Variants in HIVEP3 observed in about 807,000 individuals in gnomAD.
The protein encoded by HIVEP3 is HIVEP zinc finger 3.
A neutral mutation model predicts 152.8 loss-of-function variants in HIVEP3; 49 were observed. That is an observed-to-expected ratio of 0.32 (90% CI 0.26 to 0.41). The LOEUF (loss-of-function observed/expected upper bound fraction) is 0.41. Among genes scored for constraint, HIVEP3 ranks in the 10% least tolerant of loss-of-function variants. HIVEP3 has a pLI of 1.00. For synonymous variants in HIVEP3, 1,269 were observed against 1,289.0 expected (o/e 0.98, Z 0.33); for missense variants, 2,790 against 3,103.3 (o/e 0.90, Z 2.40).
At chr1:41,868,477 C>A (rs949666326) in intron 1 of HIVEP3, among the ~76,000 whole-genome samples, 1 of 152,108 alleles carries the variant, frequency 6.6e-6, no homozygotes, top group Non-Finnish European at 1.5e-5. Context: ...GCCAGATGAA[C>A]CGATAAGACA....
At chr1:41,714,147 G>A (rs773996961) in intron 1 of HIVEP3, among the ~76,000 whole-genome samples, 20 of 152,222 alleles carry the variant, frequency 1.3e-4, no homozygotes, top group African/African-American at 4.3e-4. Flanking sequence ...AGGGTGATCC[G>A]AGGGGAGGCT....
intron 1 of HIVEP3, among the ~76,000 whole-genome samples, chr1:41,806,816 C>G (rs937432891): frequency 1.3e-5 from 2 of 152,136 alleles, no homozygotes; most frequent in South Asian, 4.1e-4. Context: ...GTAGGGGGCT[C>G]CTAGCTCAAC....
chr1:41,727,614 C>G (rs899988790), intron 1 of HIVEP3, among the ~76,000 whole-genome samples: 2 of 152,230 alleles, frequency 1.3e-5, no homozygotes, highest in Non-Finnish European at 2.9e-5. Flanking sequence ...CCGGAGGAAT[C>G]CCCCGCAGAC....
In HIVEP3 at chr1:41,533,739, T is replaced by C. The variant is rs960536938; in HGVS notation, c.5208-8829A>G. Among the ~76,000 whole-genome samples, 6 of 151,884 alleles carry C rather than the reference T, an allele frequency of 4.0e-5. No homozygotes were observed. The highest frequency in any genetic ancestry group is 5.9e-5 in the Non-Finnish European group (4 of 67,972). On this transcript the variant is annotated intron_variant, in intron 5 of 8. Coordinates refer to ENST00000372583, the MANE Select transcript of HIVEP3 (RefSeq NM_024503.5). The surrounding 1 kb of genome is among the most constrained non-coding windows in gnomAD (Gnocchi z 4.3). ...CCCTGCCAGCCTCCGACCTGCACTC[T>C]TCTCACCACACACCTTCCCCAGGTG...
upstream of HIVEP3, among the ~76,000 whole-genome samples, chr1:41,922,441 T>A (rs529022231): frequency 6.6e-6 from 1 of 152,288 alleles, no homozygotes; most frequent in East Asian, 1.9e-4. Context: ...AGAAATTATA[T>A]CACCCAAACA....
At chr1:41,821,855 T>C (rs1642612271) in intron 1 of HIVEP3, among the ~76,000 whole-genome samples, 1 of 152,212 alleles carries the variant, frequency 6.6e-6, no homozygotes, top group Non-Finnish European at 1.5e-5. Context: ...CTTGCTTTAA[T>C]TGTGTTGATC....
intron 3 of HIVEP3, among the ~76,000 whole-genome samples, chr1:41,588,484 G>T (rs71652196): frequency 1.3e-5 from 2 of 152,030 alleles, no homozygotes; most frequent in Admixed American, 6.5e-5. Flanking sequence ...GTGGTGGAGC[G>T]CCCAGCAGCT....
At chr1:41,872,478 T>C (rs1293493792) in intron 1 of HIVEP3, among the ~76,000 whole-genome samples, 2 of 152,320 alleles carry the variant, frequency 1.3e-5, no homozygotes, top group South Asian at 4.1e-4. Context: ...AACTCAAATA[T>C]AGAAGTACGG....
In HIVEP3 at chr1:41,513,078, C is replaced by T. The variant is rs977389120; in HGVS notation, c.6143G>A (p.Arg2048Gln). The change falls in exon 8 of 9, where the codon CGA (arginine) becomes CAA (glutamine). Residue 2048 changes from arginine (R) to glutamine (Q), a missense_variant. By Grantham distance (43) the Arg-to-Gln change is conservative. This residue lies in a region of HIVEP3 where 816 missense variants were observed against 806.5 expected (regional missense o/e 1.01). Transcript: ENST00000372583. Reference sequence around the variant, plus strand: ...CTCGAGTTTGGAGAGCACATGTGCTCGAGGGGCCAGTTCTCTTCCCAGGGG... The same window carrying T: ...CTCGAGTTTGGAGAGCACATGTGCTTGAGGGGCCAGTTCTCTTCCCAGGGG... ...LCPLGRELAP[R>Q]AHVLSKLEGT... 26 of 1,613,850 alleles carry T rather than the reference C, an allele frequency of 1.6e-5. No homozygotes were observed. Among genetic ancestry groups the T allele is most frequent in the Admixed American group, 5.0e-5 (3 of 60,030 alleles).
At chr1:41,894,112 G>A (rs1013278382) in intron 1 of HIVEP3, among the ~76,000 whole-genome samples, 5 of 151,860 alleles carry the variant, frequency 3.3e-5, no homozygotes, top group Non-Finnish European at 7.4e-5. Context: ...GAGCCACCAT[G>A]CCCAGCCTAT....
At chr1:41,637,816 A>C (rs1195002820) in intron 2 of HIVEP3, among the ~76,000 whole-genome samples, 6 of 152,212 alleles carry the variant, frequency 3.9e-5, no homozygotes, top group Non-Finnish European at 1.5e-5. Context: ...AAAAGTATAG[A>C]GACAGAAGGT....
rs543264395 is a variant in HIVEP3 at position 41,726,943 on chromosome 1, A to G, written c.-800-25948T>C. Among the ~76,000 whole-genome samples the G allele has an allele frequency of 2.0e-5, 3 of 152,024 alleles. No homozygotes were observed. In the South Asian group the frequency reaches 6.2e-4, roughly 32 times the overall value. The stretch of plus-strand genomic sequence containing the variant: ...CTGTGGTAGAGGGCTGTACATATGG[A>G]CTCCAGAGGGCGTAAGTGATAATCC... On this transcript the variant is annotated intron_variant, in intron 1 of 8. Transcript: ENST00000372583.
At chr1:41,544,263 A>G (rs1643605882) in intron 5 of HIVEP3, 1 of 152,068 alleles carries the variant, frequency 6.6e-6, no homozygotes, top group South Asian at 2.1e-4. Flanking sequence ...ACTACAGTGC[A>G]TTCTCCTCAC....
At chr1:41,678,108 G>A (rs530024332) in intron 2 of HIVEP3, among the ~76,000 whole-genome samples, 4 of 152,338 alleles carry the variant, frequency 2.6e-5, no homozygotes, top group Middle Eastern at 3.4e-3. Flanking sequence ...ATTTTGCGAC[G>A]TGGCTGTTGG....
chr1:41,529,553 C>T (rs1643171929), intron 5 of HIVEP3, among the ~76,000 whole-genome samples: 1 of 136,078 alleles, frequency 7.3e-6, no homozygotes, highest in African/African-American at 2.8e-5. Flanking sequence ...ACTCTCCTCC[C>T]CCCACACCCC....
At chr1:41,898,516 C>T (rs1830907) in intron 1 of HIVEP3, among the ~76,000 whole-genome samples, 7,690 of 152,326 alleles carry the variant, frequency 0.05, 589 homozygotes, top group African/African-American at 0.17. Flanking sequence ...TGTCCTGGCT[C>T]AGGCAAGGAC....
intron 2 of HIVEP3, among the ~76,000 whole-genome samples, chr1:41,646,070 G>A (rs769618824): frequency 6.6e-6 from 1 of 152,172 alleles, no homozygotes; most frequent in Non-Finnish European, 1.5e-5. Flanking sequence ...GGAGATGCTC[G>A]GTGAAGTCAG....
intron 1 of HIVEP3, among the ~76,000 whole-genome samples, chr1:41,893,912 A>T (rs1005846808): frequency 1.0e-4 from 15 of 146,738 alleles, no homozygotes; most frequent in Non-Finnish European, 1.6e-4. Context: ...TTTATTTTTT[A>T]TATATATATA....
chr1:41,518,619 G>C, intron 6 of HIVEP3, 131 bp from the exon 7 acceptor site: 1 of 821,946 alleles, frequency 1.2e-6, no homozygotes, highest in Non-Finnish European at 2.0e-6. Context: ...CCAGCTGCAG[G>C]GCTGGGCAGG....
Sources: allele counts gnomAD v4.1 joint callset (sites outside exome capture counted in the v4.1 genomes callset), GRCh38; gene constraint gnomAD v4.1.1; regional missense constraint gnomAD v4.1.1; non-coding constraint Gnocchi (gnomAD v3.1); transcripts MANE v1.5; gene names NCBI Gene and HGNC (gene_info 2026-07-23, HGNC 2026-07-21).